Variants in NCOA1 observed in about 807,000 individuals in gnomAD.
NCOA1 encodes the protein Hin-2 protein.
In NCOA1, 35 loss-of-function variants were observed where a neutral mutation model predicts 150.9. That is an observed-to-expected ratio of 0.23 (90% CI 0.18 to 0.31). NCOA1 has a LOEUF of 0.31. NCOA1 is among the 10% of genes least tolerant of loss of function. The pLI, the probability that NCOA1 is intolerant of heterozygous loss-of-function variation, is 1.00. For missense variants in NCOA1, 1,491 were observed against 1,749.3 expected (o/e 0.85, Z 2.63); for synonymous variants, 590 against 630.0 (o/e 0.94, Z 0.95).
chr2:24,765,306 A>T (rs1295093467), intron 22 of NCOA1, among the ~76,000 whole-genome samples: 7 of 151,038 alleles, frequency 4.6e-5, no homozygotes, highest in Non-Finnish European at 7.4e-5. Context: ...GATCAAGACC[A>T]TCCTGGCTAA....
rs1206652003 is a variant in NCOA1, at chr2:24,707,305, T to C, written c.1835T>C (p.Leu612Pro). ...GATGGCAAACCTCTGGATTCAGGGC[T>C]TCTGCATAACAATGACAGACTTTCA... ...SSDGKPLDSG[L>P]LHNNDRLSDG... Residue 612 changes from leucine (L) to proline (P), a missense_variant, in exon 13 of 23, where the codon CTT becomes CCT. Coordinates refer to ENST00000348332, the MANE Select transcript of NCOA1 (RefSeq NM_003743.5). 1 of 1,614,238 alleles carries C rather than the reference T, an allele frequency of 6.2e-7. No homozygotes were observed. Among genetic ancestry groups the C allele is most frequent in the East Asian group, 2.2e-5 (1 of 44,892 alleles).
At chr2:24,699,394 C>T (rs889844105) in intron 11 of NCOA1, among the ~76,000 whole-genome samples, 4 of 152,130 alleles carry the variant, frequency 2.6e-5, no homozygotes, top group Middle Eastern at 3.2e-3. Context: ...GTTTCTAAAC[C>T]TTCAACGGAA....
chr2:24,639,007 GA>G (rs1489307113), intron 3 of NCOA1, among the ~76,000 whole-genome samples: 3 of 151,974 alleles, frequency 2.0e-5, no homozygotes, highest in Non-Finnish European at 1.5e-5. Context: ...GATTCAATTT[GA>G]TTTTTTTTGT....
chr2:24,705,342 C>T (rs1045646692), intron 12 of NCOA1, 109 bp downstream of exon 12: 24 of 1,124,764 alleles, frequency 2.1e-5, no homozygotes, highest in East Asian at 4.8e-5. Context: ...CTAAATTAGG[C>T]GTAAAACTAG....
Position 24,729,820 on chromosome 2 carries a change from G to C in NCOA1, c.3201+5G>C. On this transcript the variant is annotated splice_donor_5th_base_variant and intron_variant, in intron 17 of 22. Coordinates refer to ENST00000348332, the MANE Select transcript of NCOA1 (RefSeq NM_003743.5). ...CGATTACAGGGACAACAGCAGGTAA[G>C]TGCTCTTGTTTAGCAGTTGATACTT... The C allele has an allele frequency of 6.2e-7, 1 of 1,607,354 alleles. No homozygotes were observed. Among genetic ancestry groups the C allele is most frequent in the Non-Finnish European group, 8.5e-7 (1 of 1,176,346 alleles).
intron 1 of NCOA1, among the ~76,000 whole-genome samples, chr2:24,493,087 T>C (rs2148055147): frequency 6.6e-6 from 1 of 152,344 alleles, no homozygotes; most frequent in African/African-American, 2.4e-5. Context: ...AGAAAGTATT[T>C]GCTTAGGTCT....
chr2:24,711,785 A>G (rs1012898107), intron 14 of NCOA1, among the ~76,000 whole-genome samples: 2 of 152,248 alleles, frequency 1.3e-5, no homozygotes, highest in African/African-American at 4.8e-5. Flanking sequence ...ATTTATGAAG[A>G]TAAGGCTGTC....
At chr2:24,718,147 G>A (rs772683235) in intron 14 of NCOA1, among the ~76,000 whole-genome samples, 4 of 151,998 alleles carry the variant, frequency 2.6e-5, no homozygotes, top group South Asian at 4.1e-4. Flanking sequence ...TGATCCACCC[G>A]CCTTGGCTTC....
At chr2:24,533,266 T>C (rs189391674) in intron 1 of NCOA1, among the ~76,000 whole-genome samples, 2 of 152,300 alleles carry the variant, frequency 1.3e-5, no homozygotes, top group African/African-American at 2.4e-5. Context: ...TATTGGTATA[T>C]AGGAATGCTC....
chr2:24,539,133 T>TCCC (rs78273745), intron 1 of NCOA1, among the ~76,000 whole-genome samples: 15 of 148,064 alleles, frequency 1.0e-4, no homozygotes, highest in African/African-American at 1.5e-4. Context: ...GTGAGTTTTT[T>TCCC]CCCCCCCATT....
chr2:24,517,587 T>C (rs1048423032), intron 1 of NCOA1, among the ~76,000 whole-genome samples: 2 of 152,200 alleles, frequency 1.3e-5, no homozygotes, highest in African/African-American at 4.8e-5. Flanking sequence ...AGCGTGTCTT[T>C]AACATACAGG....
chr2:24,754,223 C>T (rs1664390216), intron 20 of NCOA1, among the ~76,000 whole-genome samples: 1 of 152,174 alleles, frequency 6.6e-6, no homozygotes. Flanking sequence ...TTAATCTCCA[C>T]ATGGGTAGCC....
At chr2:24,606,202 T>G in intron 3 of NCOA1, among the ~76,000 whole-genome samples, 1 of 151,886 alleles carries the variant, frequency 6.6e-6, no homozygotes, top group East Asian at 1.9e-4. Context: ...TATTTATACC[T>G]TCATAATTTT....
chr2:24,649,037 T>C (rs1670600930), intron 4 of NCOA1, among the ~76,000 whole-genome samples: 1 of 152,082 alleles, frequency 6.6e-6, no homozygotes, highest in African/African-American at 2.4e-5. Flanking sequence ...TCTGAATCTC[T>C]GAAAGAGGTT....
At chr2:24,653,133 T>C (rs1011532376) in intron 4 of NCOA1, among the ~76,000 whole-genome samples, 1 of 152,142 alleles carries the variant, frequency 6.6e-6, no homozygotes, top group African/African-American at 2.4e-5. Flanking sequence ...CAGTTGTGAA[T>C]CTCCAGCTAG....
chr2:24,586,552 C>T (rs181050193), intron 3 of NCOA1, among the ~76,000 whole-genome samples: 25 of 152,264 alleles, frequency 1.6e-4, no homozygotes, highest in Non-Finnish European at 2.6e-4. Flanking sequence ...ACAATCTCAG[C>T]TCACTGCAAC....
At chr2:24,562,939 G>A (rs910827232) in intron 1 of NCOA1, among the ~76,000 whole-genome samples, 6 of 152,192 alleles carry the variant, frequency 3.9e-5, no homozygotes, top group African/African-American at 1.2e-4. Flanking sequence ...AGCCAGATGG[G>A]ACATCACAGG....
chr2:24,728,587 T>G (rs938216707), intron 16 of NCOA1, 111 bp downstream of exon 16: 1 of 869,876 alleles, frequency 1.1e-6, no homozygotes, highest in African/African-American at 1.8e-5. Context: ...TGTTTTATAA[T>G]TTACCTCTTG....
At chr2:24,532,071 C>G (rs1266454843) in intron 1 of NCOA1, among the ~76,000 whole-genome samples, 1 of 152,174 alleles carries the variant, frequency 6.6e-6, no homozygotes, top group Non-Finnish European at 1.5e-5. Flanking sequence ...ACACTCCCAC[C>G]AACAGTGTAA....
Sources: gnomAD v4.1 joint callset for allele counts (sites outside exome capture counted in the v4.1 genomes callset) on GRCh38, gnomAD v4.1.1 for gene constraint, MANE v1.5 for transcripts, NCBI Gene and HGNC (gene_info 2026-07-23, HGNC 2026-07-21) for gene names.